The following SULF2 variants were observed in gnomAD, a reference collection of about 807,000 sequenced individuals.
SULF2 encodes extracellular sulfatase Sulf-2.
A neutral mutation model predicts 107.7 loss-of-function variants in SULF2; 52 were observed. The observed-to-expected ratio is 0.48, with a 90% CI of 0.39 to 0.61. The LOEUF (loss-of-function observed/expected upper bound fraction) is 0.61. Ranked by LOEUF, SULF2 falls within the 20% of genes least tolerant of loss-of-function variation. SULF2 has a pLI of 0.00. For missense variants in SULF2, 993 were observed against 1,177.3 expected (o/e 0.84, Z 2.29); for synonymous variants, 460 against 464.3 (o/e 0.99, Z 0.12).
rs954724897 is a variant in SULF2 at position 47,665,357 on chromosome 20, G to A, written c.1903-64C>T. 16 of 1,085,646 alleles carry A rather than the reference G, an allele frequency of 1.5e-5. No homozygotes were observed. The African/African-American group carries it at 2.5e-4, about 17-fold the overall frequency. 67.3% of individuals were successfully genotyped at this position (1,085,646 alleles called of 1,614,324 possible). A position where few individuals can be genotyped will look rare whatever the true frequency, so the allele number is the denominator to read the frequency against. On this transcript the variant is annotated intron_variant, in intron 13 of 20. Coordinates refer to ENST00000688720, the MANE Select transcript of SULF2 (RefSeq NM_001387048.1). Reference sequence around the variant, plus strand: ...AGGCTGGACAACAAAGACTTGGCCTGGTGACTGCCCCCACGCTGCCGTGTC... The same window carrying A: ...AGGCTGGACAACAAAGACTTGGCCTAGTGACTGCCCCCACGCTGCCGTGTC...
intron 7 of SULF2, among the ~76,000 whole-genome samples, chr20:47,682,742 T>TAC (rs913640827): frequency 1.3e-5 from 2 of 152,138 alleles, no homozygotes; most frequent in Non-Finnish European, 2.9e-5. Flanking sequence ...CACACACGTA[T>TAC]ACAGCCCAGC....
intron 1 of SULF2, among the ~76,000 whole-genome samples, chr20:47,760,343 T>G (rs1338117002): frequency 6.6e-6 from 1 of 152,150 alleles, no homozygotes; most frequent in Non-Finnish European, 1.5e-5. Flanking sequence ...GTGCATTTAT[T>G]CTCCTCCCGC....
chr20:47,672,148 A>G, intron 11 of SULF2, 50 bp downstream of exon 11: 1 of 1,544,344 alleles, frequency 6.5e-7, no homozygotes, highest in South Asian at 1.2e-5. Context: ...GGGGCCCCCC[A>G]GGCATGGTCT....
Position 47,678,605 on chromosome 20 carries a change from C to G in SULF2, c.1193+71G>C, listed in dbSNP as rs1005106584. On this transcript the variant is annotated intron_variant, in intron 8 of 20. Coordinates refer to ENST00000688720, the MANE Select transcript of SULF2 (RefSeq NM_001387048.1). The surrounding 1 kb of genome is among the most constrained non-coding windows in gnomAD (Gnocchi z 4.5). ...TTGGAGACCCCACGTTCTAGACCCA[C>G]AGGGTTTTGCTCTGAGTTCCCGCAG... 36 of 1,589,504 alleles carry G rather than the reference C, an allele frequency of 2.3e-5. No individual in the cohort carries two copies. The highest frequency in any genetic ancestry group is 2.9e-5 in the Non-Finnish European group (34 of 1,165,350).
chr20:47,752,583 A>AC (rs1366329311), intron 2 of SULF2, among the ~76,000 whole-genome samples: 1 of 122,154 alleles, frequency 8.2e-6, no homozygotes, highest in Non-Finnish European at 1.8e-5. Context: ...AAAAAAAAAA[A>AC]CCCCAAAAAC....
At position 47,680,153 on chromosome 20, in the gene SULF2, G is replaced by A. The variant is rs542659765; in HGVS notation, c.1065-1349C>T. On this transcript the variant is annotated intron_variant, in intron 7 of 20. Coordinates refer to ENST00000688720, the MANE Select transcript of SULF2 (RefSeq NM_001387048.1). The surrounding 1 kb of genome is among the most constrained non-coding windows in gnomAD (Gnocchi z 4.2). ...GGTGTCTTGCTCTGTCACCCAGGAT[G>A]CAGTGTGGTGGCATGATCCTGGCTC... 3.9e-5 allele frequency among the ~76,000 whole-genome samples: 6 copies of A among 152,312 alleles called. No homozygotes were observed. In the East Asian group the frequency reaches 1.2e-3, roughly 29 times the overall value.
chr20:47,664,851 T>C (rs1410336670), intron 14 of SULF2, among the ~76,000 whole-genome samples: 1 of 152,248 alleles, frequency 6.6e-6, no homozygotes, highest in Non-Finnish European at 1.5e-5. Flanking sequence ...AGTTCAGTCC[T>C]TTGGGCCAGG....
chr20:47,665,360 G>T, intron 13 of SULF2, 67 bp from the exon 14 acceptor site: 3 of 1,058,568 alleles, frequency 2.8e-6, no homozygotes, highest in Non-Finnish European at 4.4e-6. Flanking sequence ...TTGGCCTGGT[G>T]ACTGCCCCCA....
intron 3 of SULF2, among the ~76,000 whole-genome samples, chr20:47,712,675 C>A (rs1473869426): frequency 6.6e-6 from 1 of 152,142 alleles, no homozygotes; most frequent in Non-Finnish European, 1.5e-5. Context: ...GCAGCGCCCT[C>A]TAATGTTAAG....
intron 1 of SULF2, among the ~76,000 whole-genome samples, chr20:47,781,893 A>C (rs1296259830): frequency 6.6e-6 from 1 of 152,148 alleles, no homozygotes. Flanking sequence ...CATCAGCCTC[A>C]TGGAAGGCAG....
At chr20:47,739,437 C>T (rs183562328) in intron 2 of SULF2, among the ~76,000 whole-genome samples, 3 of 152,214 alleles carry the variant, frequency 2.0e-5, no homozygotes, top group African/African-American at 7.2e-5. Context: ...CATTGGCCGC[C>T]CTCCCACCTC....
chr20:47,732,144 C>G (rs2089628413), intron 3 of SULF2, among the ~76,000 whole-genome samples: 1 of 152,214 alleles, frequency 6.6e-6, no homozygotes, highest in Non-Finnish European at 1.5e-5. Context: ...GATCCTTCCA[C>G]TTTGGCCCCC....
At chr20:47,767,908 CAAAA>C (rs11483856) in intron 1 of SULF2, among the ~76,000 whole-genome samples, 2 of 140,022 alleles carry the variant, frequency 1.4e-5, no homozygotes, top group African/African-American at 2.6e-5. Context: ...GACTCTGTCT[CAAAA>C]AAAAAAAAAA....
chr20:47,771,075 C>T (rs961719834), intron 1 of SULF2, among the ~76,000 whole-genome samples: 5 of 152,192 alleles, frequency 3.3e-5, no homozygotes, highest in African/African-American at 9.6e-5. Context: ...TGCTGGGTCA[C>T]AGAGGCTGGC....
intron 3 of SULF2, among the ~76,000 whole-genome samples, chr20:47,729,992 G>A (rs769673197): frequency 5.3e-5 from 8 of 152,244 alleles, no homozygotes; most frequent in Non-Finnish European, 1.0e-4. Context: ...GTGAGAGGGC[G>A]ATGGGGTGCC....
intron 2 of SULF2, among the ~76,000 whole-genome samples, chr20:47,743,546 G>A (rs1423019839): frequency 6.6e-6 from 1 of 152,216 alleles, no homozygotes; most frequent in Non-Finnish European, 1.5e-5. Context: ...CTGGGCTCAA[G>A]TGATCCTCCT....
chr20:47,704,026 G>A (rs1385761553), intron 3 of SULF2, among the ~76,000 whole-genome samples: 1 of 152,194 alleles, frequency 6.6e-6, no homozygotes, highest in Admixed American at 6.5e-5. Flanking sequence ...GTGGCTGGGA[G>A]CAGCAAGGGG....
chr20:47,689,609 TTTG>T (rs1040063880), intron 5 of SULF2: 1 of 152,218 alleles, frequency 6.6e-6, no homozygotes, highest in African/African-American at 2.4e-5. Context: ...ATAATTTGTG[TTTG>T]TTGTTTTAAG....
intron 3 of SULF2, among the ~76,000 whole-genome samples, chr20:47,724,546 T>C (rs1221730327): frequency 6.6e-6 from 1 of 152,236 alleles, no homozygotes; most frequent in Non-Finnish European, 1.5e-5. Context: ...TTGCAGCTCC[T>C]GCAAATGAGG....
Sources: gnomAD v4.1 joint callset for allele counts (sites outside exome capture counted in the v4.1 genomes callset) on GRCh38, gnomAD v4.1.1 for gene constraint, Gnocchi (gnomAD v3.1) non-coding constraint, MANE v1.5 for transcripts, NCBI Gene and HGNC (gene_info 2026-07-23, HGNC 2026-07-21) for gene names.